The following ADORA2A variants were observed in gnomAD, a reference collection of about 807,000 sequenced individuals.
ADORA2A encodes adenosine receptor A2a.
ADORA2A carries 11 observed loss-of-function variants against 18.4 expected under a neutral mutation model. The ratio of observed to expected loss-of-function variants is 0.60; its 90% CI spans 0.38 to 0.99. The LOEUF is 0.99. Among genes scored for constraint, ADORA2A ranks in the 50% least tolerant of loss-of-function variants. ADORA2A has a pLI of 0.01. For synonymous variants in ADORA2A, 218 were observed against 237.3 expected, an observed-to-expected ratio of 0.92 and a Z score of 0.75; for missense variants, 449 against 556.1, an observed-to-expected ratio of 0.81 and a Z score of 1.94.
intron 2 of ADORA2A, among the ~76,000 whole-genome samples, 188 bp from the exon 3 acceptor site, chr22:24,440,395 T>C (rs1205338097): frequency 6.6e-6 from 1 of 152,172 alleles, no homozygotes; most frequent in Non-Finnish European, 1.5e-5. Flanking sequence ...CCCAGAAGCC[T>C]GTGAAAAAGG....
Position 24,442,276 on chromosome 22 carries a change from CT to C in ADORA2A, c.*788del, listed in dbSNP as rs1285348332. 1 of 152,824 alleles carries C rather than the reference CT, an allele frequency of 6.5e-6. No individual in the cohort carries two copies. The highest frequency in any genetic ancestry group is 1.5e-5 in the Non-Finnish European group (1 of 68,054). 9.5% of individuals were successfully genotyped at this position (152,824 alleles called of 1,614,324 possible). A position where few individuals can be genotyped will look rare whatever the true frequency, so the allele number is the denominator to read the frequency against. The stretch of plus-strand genomic sequence containing the variant: ...CTACCCAGTGAGAGGCCTTGTCTAA[CT>C]GCCTTTCCTTCTAAAGGGAATGTTT... On this transcript the variant is annotated 3_prime_UTR_variant, in exon 3 of 3. Coordinates refer to ENST00000337539, the MANE Select transcript of ADORA2A (RefSeq NM_000675.6).
At chr22:24,424,774 G>A (rs1202645578), upstream of ADORA2A, among the ~76,000 whole-genome samples, 2 of 152,180 alleles carry the variant, frequency 1.3e-5, no homozygotes, top group African/African-American at 4.8e-5. The surrounding 1 kb of genome is among the most constrained non-coding windows in gnomAD (Gnocchi z 4.9). Flanking sequence ...GGAATGGCGG[G>A]AATGGTGGCG....
At chr22:24,426,757 C>T (rs570331715), upstream of ADORA2A, among the ~76,000 whole-genome samples, 2 of 152,244 alleles carry the variant, frequency 1.3e-5, no homozygotes, top group Non-Finnish European at 2.9e-5. Context: ...AGCTGCCCCT[C>T]GTCCCAGCAC....
At position 24,430,821 on chromosome 22, in the gene ADORA2A, A is replaced by G. The variant is rs1261261594; in HGVS notation, c.-274-2310A>G. On this transcript the variant is annotated intron_variant, in intron 1 of 2. Transcript: ENST00000337539. ...ATCCTTCAATGCAGATGCCCTAGAG[A>G]GGGCCGTGGTGGGAGGCAGGATCCC... 4 of 334,054 alleles carry G rather than the reference A, an allele frequency of 1.2e-5. No homozygotes were observed. In the East Asian group the frequency reaches 3.2e-4, roughly 27 times the overall value. The allele number at this position is 334,054 out of a possible 1,614,324, so 20.7% of individuals were successfully genotyped here.
intron 2 of ADORA2A, among the ~76,000 whole-genome samples, chr22:24,440,288 A>C (rs751672509): frequency 6.6e-6 from 1 of 152,232 alleles, no homozygotes; most frequent in South Asian, 2.1e-4. Context: ...TCCTCCAACC[A>C]AACTAAGTCC....
intron 2 of ADORA2A, chr22:24,438,595 G>A (rs1462173325): frequency 6.6e-6 from 1 of 152,202 alleles, no homozygotes; most frequent in African/African-American, 2.4e-5. Flanking sequence ...CCCACGGAAT[G>A]GAGCTGAGGA....
chr22:24,431,454 C>A (rs1307186752), intron 1 of ADORA2A: 3 of 456,700 alleles, frequency 6.6e-6, no homozygotes, highest in Non-Finnish European at 1.3e-5. Flanking sequence ...TGTGTTTGAG[C>A]TCTGTCACAT....
At position 24,441,041 on chromosome 22, in the gene ADORA2A, A is replaced by C; in HGVS notation, c.791A>C (p.His264Pro). ...CFTFFCPDCS[H>P]APLWLMYLAI... ...ACTTTCTTCTGCCCCGACTGCAGCC[A>C]CGCCCCTCTCTGGCTCATGTACCTG... The change falls in exon 3 of 3, where the codon CAC becomes CCC. Residue 264 changes from histidine to proline, a missense_variant. By Grantham distance (77) the His-to-Pro change is moderately conservative. Coordinates refer to ENST00000337539, the MANE Select transcript of ADORA2A (RefSeq NM_000675.6). 6.2e-7 allele frequency: 1 copy of C among 1,614,026 alleles called. No individual in the cohort carries two copies. Among genetic ancestry groups the C allele is most frequent in the Non-Finnish European group, 8.5e-7 (1 of 1,180,000 alleles).
intron 1 of ADORA2A, 34 bp from the exon 2 acceptor site, chr22:24,433,097 A>G (rs2043082584): frequency 4.0e-6 from 2 of 501,220 alleles, no homozygotes. Context: ...CCCTCTGCAG[A>G]TGGTTCAGCT....
chr22:24,425,161 C>T (rs2146856191), upstream of ADORA2A, among the ~76,000 whole-genome samples: 1 of 152,120 alleles, frequency 6.6e-6, no homozygotes, highest in East Asian at 2.0e-4. Context: ...GCCGATACTC[C>T]ATGACGCGCC....
At chr22:24,426,317 C>G (rs912144474), upstream of ADORA2A, among the ~76,000 whole-genome samples, 3 of 152,184 alleles carry the variant, frequency 2.0e-5, no homozygotes, top group African/African-American at 4.8e-5. Context: ...CCTGAGCACG[C>G]AGGAGAGCAG....
At position 24,433,638 on chromosome 22, in the gene ADORA2A, CTTCA is replaced by C. The variant is rs1291010738; in HGVS notation, c.237_240del (p.Phe79LeufsTer37). On this transcript the variant is annotated frameshift_variant, in exon 2 of 3. Transcript: ENST00000337539. LOFTEE classifies it high-confidence loss of function. ...TCTGCGCTGCCTGCCACGGCTGCCT[CTTCA>C]TTGCCTGCTTCGTCCTGGTCCTCAC... is the stretch of plus-strand genomic sequence containing the variant. 1 of 1,613,756 alleles carries C rather than the reference CTTCA, an allele frequency of 6.2e-7. No individual in the cohort carries two copies. The highest frequency in any genetic ancestry group is 8.5e-7 in the Non-Finnish European group (1 of 1,180,036).
At chr22:24,436,325 C>A (rs1000467731) in intron 2 of ADORA2A, among the ~76,000 whole-genome samples, 15 of 152,326 alleles carry the variant, frequency 9.8e-5, no homozygotes, top group African/African-American at 3.6e-4. Flanking sequence ...CTCTACGTGC[C>A]GTTTCCTGCT....
At chr22:24,438,987 C>T (rs1183663610) in intron 2 of ADORA2A, among the ~76,000 whole-genome samples, 1 of 146,626 alleles carries the variant, frequency 6.8e-6, no homozygotes, top group Non-Finnish European at 1.5e-5. Context: ...TACCTATAGG[C>T]GCCTGTTTGC....
upstream of ADORA2A, among the ~76,000 whole-genome samples, chr22:24,426,020 C>T (rs1031964938): frequency 1.3e-5 from 2 of 152,128 alleles, no homozygotes; most frequent in African/African-American, 4.8e-5. Flanking sequence ...CAGGGGACAC[C>T]ACAGGGATTG....
At chr22:24,434,269 G>A (rs771546649) in intron 2 of ADORA2A, among the ~76,000 whole-genome samples, 29 of 152,200 alleles carry the variant, frequency 1.9e-4, no homozygotes, top group Non-Finnish European at 3.4e-4. Context: ...CCAGAGAGGG[G>A]AAGTGACTTG....
upstream of ADORA2A, among the ~76,000 whole-genome samples, chr22:24,427,289 CG>C (rs1015184590): frequency 2.0e-5 from 3 of 152,120 alleles, no homozygotes; most frequent in African/African-American, 7.2e-5. Context: ...TGTCAGCCTC[CG>C]GGGCTGCCTC....
At chr22:24,434,947 C>T (rs2043136484) in intron 2 of ADORA2A, among the ~76,000 whole-genome samples, 1 of 152,222 alleles carries the variant, frequency 6.6e-6, no homozygotes, top group Non-Finnish European at 1.5e-5. Flanking sequence ...CTGATCCCCA[C>T]TGTGACTTCA....
At chr22:24,435,301 G>A (rs908620509) in intron 2 of ADORA2A, among the ~76,000 whole-genome samples, 1 of 152,194 alleles carries the variant, frequency 6.6e-6, no homozygotes, top group African/African-American at 2.4e-5. Flanking sequence ...CCCAGGAGGG[G>A]CCCTGTCTGC....
Sources: gnomAD v4.1 joint callset for allele counts (sites outside exome capture counted in the v4.1 genomes callset) on GRCh38, gnomAD v4.1.1 for gene constraint, Gnocchi (gnomAD v3.1) non-coding constraint, MANE v1.5 for transcripts, NCBI Gene and HGNC (gene_info 2026-07-23, HGNC 2026-07-21) for gene names.